The following FHIT variants were observed in gnomAD, a reference collection of about 807,000 sequenced individuals.
FHIT encodes the protein fragile histidine triad diadenosine triphosphatase.
FHIT carries 19 observed loss-of-function variants against 17.9 expected under a neutral mutation model. The ratio of observed to expected loss-of-function variants is 1.06; its 90% CI spans 0.74 to 1.56. FHIT has a LOEUF of 1.56. Ranked by LOEUF, FHIT falls within the 40% of genes most tolerant of loss-of-function variation. FHIT has a pLI of 0.00. For synonymous variants in FHIT, 81 were observed against 69.7 expected, an observed-to-expected ratio of 1.16 and a Z score of -0.81; for missense variants, 248 against 189.2, an observed-to-expected ratio of 1.31 and a Z score of -1.82.
Position 59,950,019 on chromosome 3 carries a change from G to C in FHIT, c.280-27605C>G, listed in dbSNP as rs554683270. On this transcript the variant is annotated intron_variant, in intron 7 of 9. Coordinates refer to ENST00000492590, the MANE Select transcript of FHIT (RefSeq NM_002012.4). ...CTCAGGAGGAACTGCAGAAGGAATA[G>C]AGGTAAGGAGACATAGGGGTCAATT... is the stretch of plus-strand genomic sequence containing the variant. Among the ~76,000 whole-genome samples the C allele has an allele frequency of 2.0e-5, 3 of 152,274 alleles. No individual in the cohort carries two copies. In the South Asian group the frequency reaches 6.2e-4, roughly 32 times the overall value.
intron 4 of FHIT, among the ~76,000 whole-genome samples, chr3:60,598,623 G>A (rs1043133359): frequency 4.1e-4 from 63 of 152,250 alleles, no homozygotes; most frequent in South Asian, 2.1e-4. Context: ...AAGTAATAAA[G>A]ATAAACATCC....
At chr3:61,203,180 A>AAAC (rs35916380) in intron 1 of FHIT, among the ~76,000 whole-genome samples, 2 of 8,916 alleles carry the variant, frequency 2.2e-4, no homozygotes, top group Non-Finnish European at 3.9e-3. Context: ...ACTCCGTCTC[A>AAAC]AAAAAAAAAA....
At chr3:60,796,254 G>A (rs1553730295) in intron 4 of FHIT, among the ~76,000 whole-genome samples, 1 of 152,148 alleles carries the variant, frequency 6.6e-6, no homozygotes, top group South Asian at 2.1e-4. Context: ...CAAGGAGACA[G>A]TATTTGAGCT....
chr3:59,974,258 A>T (rs1708311670), intron 7 of FHIT, among the ~76,000 whole-genome samples: 1 of 152,176 alleles, frequency 6.6e-6, no homozygotes, highest in East Asian at 1.9e-4. Flanking sequence ...ATAATAAAAG[A>T]AAAGCCGTGT....
At chr3:59,883,660 G>T (rs895564307) in intron 8 of FHIT, among the ~76,000 whole-genome samples, 2 of 152,170 alleles carry the variant, frequency 1.3e-5, no homozygotes, top group African/African-American at 4.8e-5. Context: ...TGTATCTTGT[G>T]GTGGAAATAC....
chr3:60,271,842 T>C (rs561130241), intron 5 of FHIT, among the ~76,000 whole-genome samples: 1 of 152,212 alleles, frequency 6.6e-6, no homozygotes, highest in African/African-American at 2.4e-5. Flanking sequence ...AAAGAGCAGA[T>C]AGTAGAGGCT....
intron 5 of FHIT, among the ~76,000 whole-genome samples, chr3:60,477,018 A>G (rs1018021961): frequency 2.0e-5 from 3 of 152,106 alleles, no homozygotes; most frequent in Admixed American, 2.0e-4. Context: ...ACGTATATAC[A>G]GTTTCGTTTA....
chr3:60,331,549 C>T (rs577176647), intron 5 of FHIT, among the ~76,000 whole-genome samples: 13 of 152,138 alleles, frequency 8.5e-5, no homozygotes, highest in Non-Finnish European at 1.5e-4. Context: ...AATTCTTTAA[C>T]ATAGAAATAT....
chr3:60,321,790 A>G (rs1709443957), intron 5 of FHIT, among the ~76,000 whole-genome samples: 1 of 152,220 alleles, frequency 6.6e-6, no homozygotes, highest in South Asian at 2.1e-4. Flanking sequence ...TGGCAGCTTC[A>G]GAGCCTGGTG....
chr3:60,507,523 A>C (rs989351737), intron 5 of FHIT, among the ~76,000 whole-genome samples: 1 of 152,198 alleles, frequency 6.6e-6, no homozygotes. Flanking sequence ...AGCAACAACA[A>C]AACTTGTATT....
chr3:60,103,953 T>C (rs1297482932), intron 5 of FHIT, among the ~76,000 whole-genome samples: 3 of 152,176 alleles, frequency 2.0e-5, no homozygotes, highest in East Asian at 1.9e-4. Context: ...TCCCTCCTTA[T>C]AGACACTTCT....
Position 61,118,086 on chromosome 3 carries a change from C to T in FHIT, c.-163-75987G>A, listed in dbSNP as rs957731664. 3.9e-5 allele frequency among the ~76,000 whole-genome samples: 6 copies of T among 152,142 alleles called. 1 individual carries two copies. Among genetic ancestry groups the T allele is most frequent in the Admixed American group, 3.3e-4 (5 of 15,268 alleles). On this transcript the variant is annotated intron_variant, in intron 2 of 9. Transcript: ENST00000492590. ...AAGGAGGGGAAAAAACACTTTCAGT[C>T]ACTTGTTCCAAAGGTCTTTCAAAAT...
chr3:59,973,502 T>C (rs1708277395), intron 7 of FHIT, among the ~76,000 whole-genome samples: 2 of 152,226 alleles, frequency 1.3e-5, no homozygotes, highest in Admixed American at 6.5e-5. Context: ...TACAACCCAA[T>C]TCAATCATGT....
chr3:60,517,576 T>C (rs1337608037), intron 5 of FHIT, among the ~76,000 whole-genome samples: 2 of 152,236 alleles, frequency 1.3e-5, no homozygotes, highest in African/African-American at 2.4e-5. Context: ...TAACTGGGAA[T>C]TGCCATATAT....
At chr3:60,966,120 A>T (rs1158334189) in intron 3 of FHIT, among the ~76,000 whole-genome samples, 1 of 151,552 alleles carries the variant, frequency 6.6e-6, no homozygotes, top group Non-Finnish European at 1.5e-5. Flanking sequence ...TTGTTTACCC[A>T]CTCAAGCCTC....
chr3:60,779,582 A>G (rs1700315363), intron 4 of FHIT, among the ~76,000 whole-genome samples: 1 of 152,194 alleles, frequency 6.6e-6, no homozygotes, highest in Non-Finnish European at 1.5e-5. Context: ...TGGGTGTGTC[A>G]CAAGACATCC....
chr3:61,191,056 A>G (rs1014917248), intron 2 of FHIT, among the ~76,000 whole-genome samples: 16 of 152,132 alleles, frequency 1.1e-4, no homozygotes, highest in African/African-American at 3.9e-4. Context: ...CATTGCGTAC[A>G]TGTACCCTAA....
At chr3:60,806,805 C>T (rs1417276594) in intron 4 of FHIT, among the ~76,000 whole-genome samples, 1 of 152,194 alleles carries the variant, frequency 6.6e-6, no homozygotes, top group African/African-American at 2.4e-5. Flanking sequence ...TTCACATAGA[C>T]TTTGCCAGGA....
chr3:61,242,249 G>C (rs1466499196), intron 1 of FHIT, among the ~76,000 whole-genome samples: 1 of 151,854 alleles, frequency 6.6e-6, no homozygotes, highest in Non-Finnish European at 1.5e-5. Flanking sequence ...GGTTATTTGA[G>C]TTGAAGGCAA....
Sources: allele counts gnomAD v4.1 joint callset (sites outside exome capture counted in the v4.1 genomes callset), GRCh38; gene constraint gnomAD v4.1.1; transcripts MANE v1.5; gene names NCBI Gene and HGNC (gene_info 2026-07-23, HGNC 2026-07-21).